The following HERC2 variants were observed in gnomAD, a reference collection of about 807,000 sequenced individuals.
HERC2 encodes E3 ubiquitin-protein ligase HERC2.
In HERC2, 102 loss-of-function variants were observed where a neutral mutation model predicts 537.7. The observed-to-expected ratio is 0.19, with a 90% confidence interval of 0.16 to 0.22. The LOEUF (loss-of-function observed/expected upper bound fraction) is 0.22. Among genes scored for constraint, HERC2 ranks in the 10% least tolerant of loss-of-function variants. The pLI is 1.00. For synonymous variants in HERC2, 2,224 were observed against 2,466.2 expected, an observed-to-expected ratio of 0.90 and a Z score of 2.91; for missense variants, 4,236 against 6,198.2, an observed-to-expected ratio of 0.68 and a Z score of 10.63.
intron 78 of HERC2, among the ~76,000 whole-genome samples, chr15:28,137,026 TAAAACAACC>T (rs1890716622): frequency 6.6e-6 from 1 of 151,262 alleles, no homozygotes; most frequent in East Asian, 1.9e-4. Context: ...ACAGTCCATA[TAAAACAACC>T]AAAACAACAA....
At chr15:28,193,270 A>T (rs1897023085) in intron 52 of HERC2, among the ~76,000 whole-genome samples, 1 of 152,204 alleles carries the variant, frequency 6.6e-6, no homozygotes, top group South Asian at 2.1e-4. Flanking sequence ...TGTGTTCAAA[A>T]AGATAATATT....
rs770535659 is a variant in HERC2 at position 28,186,534 on chromosome 15, T to C, written c.8825+43A>G. 4.6e-6 allele frequency: 7 copies of C among 1,525,528 alleles called. No homozygotes were observed. The East Asian group carries it at 1.1e-4, about 25-fold the overall frequency. 94.5% of individuals were successfully genotyped at this position (1,525,528 alleles called of 1,614,324 possible). The stretch of plus-strand genomic sequence containing the variant: ...CCTTTCGAAAGTGAGGATCCAGGAA[T>C]GTAGCGGGAGGTAAGTGAGCACCTG... On this transcript the variant is annotated intron_variant, in intron 56 of 92. Transcript: ENST00000261609.
chr15:28,201,362 G>T, intron 48 of HERC2, 94 bp downstream of exon 48: 1 of 814,592 alleles, frequency 1.2e-6, no homozygotes, highest in Middle Eastern at 2.3e-4. Context: ...TGAGGGCAGG[G>T]GCCTCTGTCC....
At chr15:28,288,867 CT>C (rs1032002740) in intron 4 of HERC2, among the ~76,000 whole-genome samples, 1 of 148,528 alleles carries the variant, frequency 6.7e-6, no homozygotes, top group Non-Finnish European at 1.5e-5. Context: ...AAAAAAAAGA[CT>C]TTTTTTTCTC....
At chr15:28,204,602 G>A (rs1798312175) in intron 45 of HERC2, among the ~76,000 whole-genome samples, 1 of 141,202 alleles carries the variant, frequency 7.1e-6, no homozygotes, top group Admixed American at 7.2e-5. Flanking sequence ...CCTGGAGACA[G>A]AGCGAGACTC....
At chr15:28,194,625 G>A (rs1897180917) in intron 52 of HERC2, among the ~76,000 whole-genome samples, 1 of 151,766 alleles carries the variant, frequency 6.6e-6, no homozygotes, top group South Asian at 2.1e-4. Context: ...ACTGTGCCTG[G>A]CCGATCCTTT....
At chr15:28,178,817 A>T (rs199725508) in intron 59 of HERC2, 70 bp downstream of exon 59, 7 of 1,484,146 alleles carry the variant, frequency 4.7e-6, no homozygotes, top group South Asian at 1.3e-5. Context: ...GACACCAATT[A>T]GGGCTTTGGT....
chr15:28,139,880 G>A (rs1406193290), intron 78 of HERC2, among the ~76,000 whole-genome samples: 5 of 147,318 alleles, frequency 3.4e-5, no homozygotes, highest in African/African-American at 1.3e-4. Context: ...CCAATATGGC[G>A]AAACCCCATC....
intron 20 of HERC2, among the ~76,000 whole-genome samples, chr15:28,249,977 A>G (rs1438250584): frequency 6.6e-6 from 1 of 152,096 alleles, no homozygotes; most frequent in African/African-American, 2.4e-5. Flanking sequence ...CTCTTATGTC[A>G]ATGTGAAAGC....
chr15:28,298,005 T>TTGTGTGTG (rs373425948), intron 3 of HERC2, among the ~76,000 whole-genome samples: 26 of 130,602 alleles, frequency 2.0e-4, no homozygotes, highest in African/African-American at 7.2e-4. Flanking sequence ...CTGTCAGTTA[T>TTGTGTGTG]TGTGTGTGTG....
chr15:28,271,606 T>C (rs978324061), intron 9 of HERC2, among the ~76,000 whole-genome samples: 1 of 152,018 alleles, frequency 6.6e-6, no homozygotes, highest in African/African-American at 2.4e-5. Context: ...GAGGCCCAGC[T>C]TGCAGTGAGC....
At chr15:28,210,944 C>T in intron 44 of HERC2, 58 bp downstream of exon 44, 2 of 962,436 alleles carry the variant, frequency 2.1e-6, no homozygotes, top group Non-Finnish European at 3.4e-6. Flanking sequence ...TATTCACTTC[C>T]TTTGTCTACT....
At chr15:28,168,795 G>GA (rs1894410143) in intron 66 of HERC2, among the ~76,000 whole-genome samples, 2 of 152,198 alleles carry the variant, frequency 1.3e-5, no homozygotes, top group South Asian at 4.1e-4. Context: ...CTATTTATTT[G>GA]AAAAACCAGA....
intron 72 of HERC2, 55 bp from the exon 73 acceptor site, chr15:28,144,290 TAAG>T (rs1233552783): frequency 1.3e-6 from 2 of 1,577,954 alleles, no homozygotes; most frequent in Non-Finnish European, 1.7e-6. Flanking sequence ...TACCACCCCA[TAAG>T]AAGCCGCCAA....
At chr15:28,140,050 AGAGT>A (rs1415138435) in intron 78 of HERC2, among the ~76,000 whole-genome samples, 2 of 151,804 alleles carry the variant, frequency 1.3e-5, no homozygotes. Flanking sequence ...CCTGGGCGAC[AGAGT>A]GAGACTCTGT....
chr15:28,243,778 G>C (rs1394145889), intron 23 of HERC2, among the ~76,000 whole-genome samples: 2 of 152,196 alleles, frequency 1.3e-5, no homozygotes, highest in African/African-American at 2.4e-5. Flanking sequence ...CTTTGCAGTG[G>C]AGATGAGTAG....
intron 53 of HERC2, 148 bp from the exon 54 acceptor site, chr15:28,191,392 G>C: frequency 1.6e-6 from 1 of 621,024 alleles, no homozygotes. Context: ...CAACCTGGCA[G>C]CAACAAGAAT....
intron 23 of HERC2, among the ~76,000 whole-genome samples, chr15:28,244,269 C>T (rs1366986253): frequency 1.3e-5 from 2 of 152,192 alleles, no homozygotes; most frequent in South Asian, 2.1e-4. Context: ...CAAAAGTATA[C>T]TACATATGGC....
chr15:28,310,601 C>A (rs1341102359), intron 2 of HERC2, among the ~76,000 whole-genome samples: 1 of 152,186 alleles, frequency 6.6e-6, no homozygotes, highest in Admixed American at 6.6e-5. Context: ...AATACGTGCA[C>A]TGGGGTTCAG....
Sources: allele counts gnomAD v4.1 joint callset (sites outside exome capture counted in the v4.1 genomes callset), GRCh38; gene constraint gnomAD v4.1.1; transcripts MANE v1.5; gene names NCBI Gene and HGNC (gene_info 2026-07-23, HGNC 2026-07-21).